ZSCAN5B: variants seen among roughly 807,000 people sequenced by gnomAD.
ZSCAN5B encodes zinc finger and SCAN domain containing 5B.
In ZSCAN5B, 26 loss-of-function variants were observed where a neutral mutation model predicts 25.2. That is an observed-to-expected ratio of 1.03 (90% CI 0.76 to 1.43). The LOEUF (loss-of-function observed/expected upper bound fraction) is 1.43. Ranked by LOEUF, ZSCAN5B falls within the 40% of genes most tolerant of loss-of-function variation. The pLI, the probability that ZSCAN5B is intolerant of heterozygous loss-of-function variation, is 0.00. For synonymous variants in ZSCAN5B, 244 were observed against 240.9 expected (o/e 1.01, Z -0.12); for missense variants, 745 against 622.1 (o/e 1.20, Z -2.10).
At chr19:56,192,045 G>C (rs1347699678) in exon 3 of ZSCAN5B, 3 of 1,611,298 alleles carry the variant, frequency 1.9e-6, no homozygotes, top group Admixed American at 1.7e-5. Context: ...CGAGCAAGTT[G>C]ACTATAGACT....
At chr19:56,196,876 GCC>G (rs1327555281) in intron 1 of ZSCAN5B, among the ~76,000 whole-genome samples, 8 of 152,174 alleles carry the variant, frequency 5.3e-5, no homozygotes, top group Non-Finnish European at 1.5e-5. Flanking sequence ...TTCCCTAAGC[GCC>G]CCTGCTCAGA....
chr19:56,191,276 G>A (rs2032729138), intron 3 of ZSCAN5B, among the ~76,000 whole-genome samples: 1 of 152,124 alleles, frequency 6.6e-6, no homozygotes, highest in Non-Finnish European at 1.5e-5. Context: ...TCTAGGTGGA[G>A]GCCCCTAACC....
chr19:56,189,687 C>T (rs2032695510), exon 5 of ZSCAN5B: 2 of 1,062,678 alleles, frequency 1.9e-6, no homozygotes, highest in South Asian at 3.8e-5. Flanking sequence ...AAACAAAACT[C>T]ATGGGGGAGG....
intron 1 of ZSCAN5B, among the ~76,000 whole-genome samples, chr19:56,197,319 C>T (rs2032823202): frequency 6.6e-6 from 1 of 151,818 alleles, no homozygotes; most frequent in Non-Finnish European, 1.5e-5. Context: ...ATTACCCTAA[C>T]CTCTGCCTCC....
chr19:56,190,024 T>C (rs2032702390), exon 5 of ZSCAN5B: 2 of 1,613,364 alleles, frequency 1.2e-6, no homozygotes, highest in African/African-American at 1.3e-5. Flanking sequence ...GTGTGGATCC[T>C]CTTGTGGCCC....
At chr19:56,194,238 T>C (rs2032778420) in intron 1 of ZSCAN5B, among the ~76,000 whole-genome samples, 1 of 150,852 alleles carries the variant, frequency 6.6e-6, no homozygotes, top group South Asian at 2.2e-4. Flanking sequence ...TCTCATTCCA[T>C]AAAATGGATT....
At chr19:56,192,430 G>GC (rs1033723882) in intron 2 of ZSCAN5B, among the ~76,000 whole-genome samples, 3 of 152,070 alleles carry the variant, frequency 2.0e-5, no homozygotes, top group Admixed American at 6.5e-5. Context: ...GGACTTCTGG[G>GC]CCCCCCTTCA....
intron 1 of ZSCAN5B, among the ~76,000 whole-genome samples, chr19:56,194,111 A>C (rs564907861): frequency 6.6e-6 from 1 of 152,218 alleles, no homozygotes; most frequent in East Asian, 1.9e-4. Context: ...GAATCACTGC[A>C]TCACCCCAAA....
intron 1 of ZSCAN5B, among the ~76,000 whole-genome samples, chr19:56,196,229 T>C (rs1429048282): frequency 6.6e-6 from 1 of 152,112 alleles, no homozygotes; most frequent in Admixed American, 6.5e-5. Flanking sequence ...ATTTTGTATT[T>C]TTAGTAGAGA....
In ZSCAN5B at chr19:56,195,438, C is replaced by A. The variant is rs537965813; in HGVS notation, c.-127-2259G>T. Among the ~76,000 whole-genome samples, 7 of 151,946 alleles carry A rather than the reference C, an allele frequency of 4.6e-5. No individual in the cohort carries two copies. The South Asian group carries it at 1.0e-3, about 23-fold the overall frequency. ...ATGCAAATCCAAACCACAAGGCACC[C>A]CTCACGCCTGCTAGAGTGGCTGTTC... On this transcript the variant is annotated intron_variant, in intron 1 of 4. Transcript: ENST00000586855.
Position 56,197,785 on chromosome 19 carries a change from AC to A in ZSCAN5B, c.-180del. 2.0e-6 allele frequency: 2 copies of A among 984,994 alleles called. No homozygotes were observed. The highest frequency in any genetic ancestry group is 2.3e-4 in the East Asian group (2 of 8,796). The allele number at this position is 984,994 out of a possible 1,614,324, so 61.0% of individuals were successfully genotyped here. ...TTCTCGGTCTGGGATGCGCTCTCCA[AC>A]CGGCCTGGAGCTGAACTGCGTCTAT... On this transcript the variant is annotated 5_prime_UTR_variant, in exon 1 of 5. Coordinates refer to ENST00000586855, the Ensembl canonical transcript of ZSCAN5B.
chr19:56,191,434 A>AT (rs1288459407), intron 3 of ZSCAN5B, among the ~76,000 whole-genome samples: 2 of 152,166 alleles, frequency 1.3e-5, no homozygotes, highest in East Asian at 3.8e-4. Flanking sequence ...ACATTGCCAA[A>AT]TGTGTCCTTA....
exon 5 of ZSCAN5B, chr19:56,190,190 C>T: frequency 1.2e-6 from 2 of 1,614,054 alleles, no homozygotes; most frequent in Non-Finnish European, 1.7e-6. Context: ...CTGTGTGTGA[C>T]CTCCTGTGGA....
chr19:56,197,759 C>T (rs572170451), exon 1 of ZSCAN5B: 1 of 985,450 alleles, frequency 1.0e-6, no homozygotes, highest in South Asian at 4.7e-5. Context: ...TGCCTCCGAC[C>T]TTCTCGGTCT....
Position 56,189,904 on chromosome 19 carries a change from T to TG in ZSCAN5B, c.1410dup (p.Thr471HisfsTer55). On this transcript the variant is annotated frameshift_variant, in exon 5 of 5. Coordinates refer to ENST00000586855, the Ensembl canonical transcript of ZSCAN5B. LOFTEE classifies it low-confidence loss of function (END_TRUNC). ...AGCTGACGGAAGGCCTTTTGACAGG[T>TG]GGGACATTTGTAGGGCTTCTCTCCG... is the stretch of plus-strand genomic sequence containing the variant. 6.2e-7 allele frequency: 1 copy of TG among 1,613,916 alleles called. No homozygotes were observed. Among genetic ancestry groups the TG allele is most frequent in the Non-Finnish European group, 8.5e-7 (1 of 1,179,884 alleles).
intron 1 of ZSCAN5B, among the ~76,000 whole-genome samples, chr19:56,193,684 C>G (rs769224174): frequency 6.6e-6 from 1 of 152,100 alleles, no homozygotes; most frequent in Admixed American, 6.5e-5. Flanking sequence ...TATGAGAGGC[C>G]GGGCGCGGTG....
At chr19:56,196,097 G>A (rs995239146) in intron 1 of ZSCAN5B, among the ~76,000 whole-genome samples, 1 of 152,070 alleles carries the variant, frequency 6.6e-6, no homozygotes, top group Non-Finnish European at 1.5e-5. Flanking sequence ...CTATCCCCCA[G>A]GCTGCAGTGC....
At chr19:56,192,017 G>C (rs1190722258) in exon 3 of ZSCAN5B, 2 of 1,613,636 alleles carry the variant, frequency 1.2e-6, no homozygotes, top group Non-Finnish European at 1.7e-6. Context: ...TCTGAGTTCA[G>C]CATAAGATAT....
At chr19:56,190,066 G>C (rs1448014087) in exon 5 of ZSCAN5B, 3 of 1,614,002 alleles carry the variant, frequency 1.9e-6, no homozygotes, top group Non-Finnish European at 2.5e-6. Flanking sequence ...AACCGCTTTT[G>C]GCAGACGTCA....
Sources: gnomAD v4.1 joint callset for allele counts (sites outside exome capture counted in the v4.1 genomes callset) on GRCh38, gnomAD v4.1.1 for gene constraint, MANE v1.5 for transcripts, NCBI Gene and HGNC (gene_info 2026-07-23, HGNC 2026-07-21) for gene names.